POU2F1: variants seen among roughly 807,000 people sequenced by gnomAD.
The protein encoded by POU2F1 is POU class 2 homeobox 1, also known as POU domain, class 2, transcription factor 1.
A neutral mutation model predicts 84.9 loss-of-function variants in POU2F1; 16 were observed. The ratio of observed to expected loss-of-function variants is 0.19; its 90% confidence interval spans 0.13 to 0.29. POU2F1 has a LOEUF of 0.29. Among genes scored for constraint, POU2F1 ranks in the 10% least tolerant of loss-of-function variants. The probability of loss-of-function intolerance (pLI) is 1.00; values close to 1 mark genes in which losing one functional copy is unlikely to be tolerated. For missense variants in POU2F1, 738 were observed against 942.6 expected (o/e 0.78, Z 2.84); for synonymous variants, 368 against 368.3 (o/e 1.00, Z 0.01).
At position 167,398,169 on chromosome 1, in the gene POU2F1, G is replaced by A. The variant is rs1318685252; in HGVS notation, c.1269+36G>A. The A allele has an allele frequency of 2.5e-6, 4 of 1,607,020 alleles. No homozygotes were observed. In the East Asian group the frequency reaches 8.9e-5, roughly 36 times the overall value. Reference sequence around the variant, plus strand: ...ATTTTACTTTTCTGTACATGGGATTGTCTGTGTAGTACTTAACATTAGTAC... The same window carrying A: ...ATTTTACTTTTCTGTACATGGGATTATCTGTGTAGTACTTAACATTAGTAC... On this transcript the variant is annotated intron_variant, in intron 11 of 15. Transcript: ENST00000367866.
At chr1:167,351,182 A>T (rs1658536191) in intron 2 of POU2F1, among the ~76,000 whole-genome samples, 1 of 151,878 alleles carries the variant, frequency 6.6e-6, no homozygotes, top group East Asian at 1.9e-4. Context: ...GTGAAACCCC[A>T]TCCCTACTAA....
chr1:167,274,863 G>GA (rs1489800858), intron 1 of POU2F1, among the ~76,000 whole-genome samples: 1 of 151,974 alleles, frequency 6.6e-6, no homozygotes, highest in African/African-American at 2.4e-5. Context: ...TAAAAATAAT[G>GA]ACAACCCTCT....
In POU2F1 at chr1:167,419,382, C is replaced by T. The variant is rs1322582953; in HGVS notation, c.*3572C>T. The T allele has an allele frequency of 6.6e-6, 1 of 152,018 alleles. No individual in the cohort carries two copies. The highest frequency in any genetic ancestry group is 1.5e-5 in the Non-Finnish European group (1 of 68,000). 9.4% of individuals were successfully genotyped at this position (152,018 alleles called of 1,614,324 possible). A position where few individuals can be genotyped will look rare whatever the true frequency, so the allele number is the denominator to read the frequency against. On this transcript the variant is annotated 3_prime_UTR_variant, in exon 16 of 16. Transcript: ENST00000367866. The stretch of plus-strand genomic sequence containing the variant: ...ATTTTATATTTCTGAATTTGGTTAG[C>T]ACATACTAAGCCAAAGACTATTCTA...
chr1:167,389,409 C>T (rs972995081), intron 8 of POU2F1, among the ~76,000 whole-genome samples, 179 bp from the exon 9 acceptor site: 4 of 152,088 alleles, frequency 2.6e-5, no homozygotes, highest in South Asian at 2.1e-4. Context: ...CTTGTAATTA[C>T]AGTATACATA....
At chr1:167,261,771 G>T (rs1275220433) in intron 1 of POU2F1, among the ~76,000 whole-genome samples, 1 of 152,082 alleles carries the variant, frequency 6.6e-6, no homozygotes, top group Admixed American at 6.6e-5. Context: ...TGTAACCTTC[G>T]CTTCCCAGGT....
At chr1:167,392,826 T>G (rs1648522513) in intron 9 of POU2F1, among the ~76,000 whole-genome samples, 2 of 152,242 alleles carry the variant, frequency 1.3e-5, no homozygotes, top group Non-Finnish European at 2.9e-5. Flanking sequence ...TCTATCAACC[T>G]CTGTTTTTAA....
chr1:167,248,455 T>C (rs780338625), intron 1 of POU2F1, among the ~76,000 whole-genome samples: 15 of 152,312 alleles, frequency 9.8e-5, no homozygotes, highest in Middle Eastern at 3.4e-3. Flanking sequence ...CACAGTTCGG[T>C]AGGGAAAGGG....
At position 167,344,677 on chromosome 1, in the gene POU2F1, C is replaced by T. The variant is rs147108637; in HGVS notation, c.127+12142C>T. Among the ~76,000 whole-genome samples the T allele has an allele frequency of 1.8e-3, 280 of 152,096 alleles. 1 individual carries two copies. Among genetic ancestry groups the T allele is most frequent in the Non-Finnish European group, 2.5e-3 (167 of 68,008 alleles). On this transcript the variant is annotated intron_variant, in intron 2 of 15. Transcript: ENST00000367866. ...CCATCTCATAGTCTTGTTGTATACA[C>T]GGAAAGCAAGTAGGTATGTGGCACA... is the stretch of plus-strand genomic sequence containing the variant.
chr1:167,294,608 G>C (rs984786835), intron 1 of POU2F1, among the ~76,000 whole-genome samples: 2 of 152,146 alleles, frequency 1.3e-5, no homozygotes, highest in African/African-American at 4.8e-5. Context: ...AAAGTGAGTA[G>C]ATGACAGGAG....
At chr1:167,278,688 GTCT>G (rs1011691093) in intron 1 of POU2F1, among the ~76,000 whole-genome samples, 1 of 152,136 alleles carries the variant, frequency 6.6e-6, no homozygotes, top group African/African-American at 2.4e-5. Flanking sequence ...GTCCTGACAA[GTCT>G]TCTAAAAAAA....
At chr1:167,263,993 A>G (rs1415798397) in intron 1 of POU2F1, among the ~76,000 whole-genome samples, 1 of 152,198 alleles carries the variant, frequency 6.6e-6, no homozygotes, top group Non-Finnish European at 1.5e-5. Flanking sequence ...ATCCTGGGTT[A>G]TGATGGTAAG....
At chr1:167,327,174 A>G (rs1656761530) in intron 1 of POU2F1, among the ~76,000 whole-genome samples, 1 of 152,246 alleles carries the variant, frequency 6.6e-6, no homozygotes, top group Non-Finnish European at 1.5e-5. Flanking sequence ...CTTTCAAAAG[A>G]TGGACATGTT....
intron 13 of POU2F1, among the ~76,000 whole-genome samples, chr1:167,408,540 G>A (rs1358798589): frequency 6.6e-6 from 1 of 152,138 alleles, no homozygotes; most frequent in Non-Finnish European, 1.5e-5. Context: ...AAATTAATGA[G>A]GTGTTGATTC....
intron 1 of POU2F1, among the ~76,000 whole-genome samples, chr1:167,331,512 A>G (rs1657085530): frequency 6.6e-6 from 1 of 152,110 alleles, no homozygotes; most frequent in Admixed American, 6.5e-5. Flanking sequence ...TAATGTGGGT[A>G]AAGGCAGAAC....
chr1:167,313,357 A>G (rs147131216), intron 1 of POU2F1, among the ~76,000 whole-genome samples: 1 of 152,352 alleles, frequency 6.6e-6, no homozygotes, highest in East Asian at 1.9e-4. Flanking sequence ...ATGCAAAGGA[A>G]TTGAAATAGC....
chr1:167,311,480 A>C (rs1389839595), intron 1 of POU2F1, among the ~76,000 whole-genome samples: 1 of 152,180 alleles, frequency 6.6e-6, no homozygotes, highest in Non-Finnish European at 1.5e-5. Context: ...ATGACTAAAA[A>C]CAAAAGAGAA....
At chr1:167,348,501 T>C (rs1031499047) in intron 2 of POU2F1, among the ~76,000 whole-genome samples, 1 of 152,190 alleles carries the variant, frequency 6.6e-6, no homozygotes, top group Non-Finnish European at 1.5e-5. Context: ...CCAACACTTA[T>C]TTCTTCTTTA....
At chr1:167,393,506 ATTTT>A (rs1279457136) in intron 9 of POU2F1, among the ~76,000 whole-genome samples, 1 of 151,692 alleles carries the variant, frequency 6.6e-6, no homozygotes, top group African/African-American at 2.4e-5. Flanking sequence ...TTATTTATTT[ATTTT>A]TTTTAGAGAG....
In POU2F1 at chr1:167,273,677, T is replaced by A. The variant is rs376522345; in HGVS notation, c.61+52719T>A. 2.6e-5 allele frequency among the ~76,000 whole-genome samples: 4 copies of A among 152,240 alleles called. No homozygotes were observed. The East Asian group carries it at 5.8e-4, about 22-fold the overall frequency. On this transcript the variant is annotated intron_variant, in intron 1 of 15. Transcript: ENST00000367866. The stretch of plus-strand genomic sequence containing the variant: ...CCAGTACCTTTTATGCCTTGCCTAT[T>A]ATGTCTGGCAGAAGTGTGGCAGTTG...
Sources: gnomAD v4.1 joint callset for allele counts (sites outside exome capture counted in the v4.1 genomes callset) on GRCh38, gnomAD v4.1.1 for gene constraint, MANE v1.5 for transcripts, NCBI Gene and HGNC (gene_info 2026-07-23, HGNC 2026-07-21) for gene names.